BRWD1: variants seen among roughly 807,000 people sequenced by gnomAD.
The protein encoded by BRWD1 is bromodomain and WD repeat domain containing 1, also known as bromodomain and WD repeat-containing protein 1.
BRWD1 carries 82 observed loss-of-function variants against 251.2 expected under a neutral mutation model. That is an observed-to-expected ratio of 0.33 (90% CI 0.27 to 0.39). The LOEUF (loss-of-function observed/expected upper bound fraction) is 0.39. BRWD1 is among the 10% of genes least tolerant of loss of function. BRWD1 has a pLI of 1.00. For synonymous variants in BRWD1, 918 were observed against 902.8 expected, an observed-to-expected ratio of 1.02 and a Z score of -0.30; for missense variants, 2,233 against 2,711.6, an observed-to-expected ratio of 0.82 and a Z score of 3.92.
intron 23 of BRWD1, among the ~76,000 whole-genome samples, chr21:39,235,178 G>C (rs2033765980): frequency 6.6e-6 from 1 of 152,186 alleles, no homozygotes; most frequent in Non-Finnish European, 1.5e-5. Flanking sequence ...GAACCCAGGA[G>C]GCAGAGGCTG....
intron 32 of BRWD1, among the ~76,000 whole-genome samples, chr21:39,213,923 T>C (rs2032772886): frequency 6.7e-6 from 1 of 149,504 alleles, no homozygotes; most frequent in Admixed American, 6.7e-5. Context: ...AATATATATA[T>C]ATACATATAT....
At chr21:39,225,311 A>C in intron 27 of BRWD1, 114 bp from the exon 28 acceptor site, 1 of 723,408 alleles carries the variant, frequency 1.4e-6, no homozygotes, top group Non-Finnish European at 2.3e-6. Flanking sequence ...ACAATACAAA[A>C]ACAGGCAAGC....
intron 19 of BRWD1, among the ~76,000 whole-genome samples, chr21:39,253,667 G>C (rs1476077019): frequency 2.0e-5 from 3 of 151,886 alleles, no homozygotes; most frequent in Admixed American, 6.6e-5. Context: ...CAAATTCACA[G>C]AACAATATAT....
At chr21:39,219,163 G>C (rs569356811) in intron 29 of BRWD1, among the ~76,000 whole-genome samples, 1 of 152,212 alleles carries the variant, frequency 6.6e-6, no homozygotes, top group Non-Finnish European at 1.5e-5. Context: ...GCTGACGCCT[G>C]TAATCCTAGC....
At chr21:39,238,285 C>CAAAAAAAA (rs58179212) in intron 22 of BRWD1, among the ~76,000 whole-genome samples, 194 bp downstream of exon 22, 1 of 122,366 alleles carries the variant, frequency 8.2e-6, no homozygotes, top group Non-Finnish European at 1.7e-5. Context: ...TGCTTAAAGT[C>CAAAAAAAA]AAAAAAAAAA....
intron 7 of BRWD1, among the ~76,000 whole-genome samples, chr21:39,295,173 A>G (rs1199417436): frequency 1.1e-5 from 1 of 88,218 alleles, no homozygotes; most frequent in African/African-American, 4.7e-5. Flanking sequence ...AGGTATGTCT[A>G]TGTTTTTTTT....
intron 13 of BRWD1, 48 bp from the exon 14 acceptor site, chr21:39,270,481 T>G (rs772859915): frequency 7.1e-7 from 1 of 1,417,710 alleles, no homozygotes; most frequent in Non-Finnish European, 9.6e-7. Context: ...TGGCTGGCTA[T>G]ACAATGTATA....
Position 39,193,720 on chromosome 21 carries a change from A to C in BRWD1, c.*2539T>G. ...ATAACCCTTTATCTTTTTCTCAAGA[A>C]TACTACAAACTGACCCTAAACATTA... On this transcript the variant is annotated 3_prime_UTR_variant, in exon 41 of 41. Coordinates refer to ENST00000342449, the MANE Select transcript of BRWD1 (RefSeq NM_033656.4). The C allele has an allele frequency of 2.0e-6, 2 of 985,566 alleles. No homozygotes were observed. Among genetic ancestry groups the C allele is most frequent in the African/African-American group, 1.7e-5 (1 of 57,346 alleles). The allele number at this position is 985,566 out of a possible 1,614,324, so 61.1% of individuals were successfully genotyped here.
intron 12 of BRWD1, 97 bp downstream of exon 12, chr21:39,276,076 A>G (rs1046017825): frequency 8.3e-6 from 9 of 1,083,136 alleles, no homozygotes; most frequent in Middle Eastern, 5.4e-4. Context: ...ATATAAAGGG[A>G]AAAAATACAT....
intron 12 of BRWD1, among the ~76,000 whole-genome samples, chr21:39,275,842 G>C (rs1019367308): frequency 6.6e-6 from 1 of 152,108 alleles, no homozygotes; most frequent in African/African-American, 2.4e-5. Flanking sequence ...AGACCAGACT[G>C]ACCAACATGG....
intron 4 of BRWD1, among the ~76,000 whole-genome samples, chr21:39,309,444 T>A (rs1295659397): frequency 2.0e-5 from 3 of 151,218 alleles, no homozygotes; most frequent in African/African-American, 7.3e-5. Flanking sequence ...GGTAATAGAG[T>A]GAGACCCAGG....
chr21:39,297,716 A>T (rs148362398), intron 5 of BRWD1: 462 of 325,790 alleles, frequency 1.4e-3, no homozygotes, highest in African/African-American at 0.01. Context: ...TGGTGCAGCT[A>T]AGAGTAGCAT....
intron 12 of BRWD1, among the ~76,000 whole-genome samples, chr21:39,275,664 C>T (rs1055198358): frequency 2.6e-5 from 4 of 151,992 alleles, no homozygotes; most frequent in Non-Finnish European, 4.4e-5. Context: ...TTTAATCATC[C>T]CACAATGTAA....
chr21:39,304,956 GA>G (rs1460829592), intron 4 of BRWD1, among the ~76,000 whole-genome samples: 4 of 96,634 alleles, frequency 4.1e-5, no homozygotes, highest in African/African-American at 1.2e-4. Flanking sequence ...CATATTTGGA[GA>G]TTTTTTTTTT....
Position 39,196,749 on chromosome 21 carries a change from G to T in BRWD1, c.6320C>A (p.Ala2107Asp), listed in dbSNP as rs2031839213. ...NGRRLRTYGKAPFSKTKVIHD... is the reference protein window; with the variant it reads ...NGRRLRTYGKDPFSKTKVIHD... Reference sequence around the variant, plus strand: ...AATCACTTTTGTCTTACTAAAAGGAGCCTTTCCATAGGTCCTGAGTCTTCT... The same window carrying T: ...AATCACTTTTGTCTTACTAAAAGGATCCTTTCCATAGGTCCTGAGTCTTCT... Residue 2107 changes from alanine to aspartate, a missense_variant, in exon 41 of 41, where the codon GCT becomes GAT. Physicochemically the swap from Ala to Asp is moderately radical, Grantham distance 126 (BLOSUM62 -2). Around this residue, in one of 12 missense-constraint regions of BRWD1, gnomAD observed 928 missense variants for 970.0 expected, o/e 0.96. Coordinates refer to ENST00000342449, the MANE Select transcript of BRWD1 (RefSeq NM_033656.4). 1.2e-6 allele frequency: 2 copies of T among 1,613,366 alleles called. No individual in the cohort carries two copies. The highest frequency in any genetic ancestry group is 2.7e-5 in the African/African-American group (2 of 74,908).
chr21:39,293,590 A>C (rs2035875607), intron 8 of BRWD1, among the ~76,000 whole-genome samples: 1 of 152,184 alleles, frequency 6.6e-6, no homozygotes, highest in Non-Finnish European at 1.5e-5. Context: ...ATCCAGTTCA[A>C]CCATAAACCC....
intron 35 of BRWD1, 57 bp from the exon 36 acceptor site, chr21:39,210,204 A>T: frequency 7.1e-7 from 1 of 1,410,250 alleles, no homozygotes; most frequent in South Asian, 1.3e-5. Flanking sequence ...TTAGAAATGT[A>T]AATGCATCAG....
At chr21:39,278,952 C>G in intron 9 of BRWD1, 139 bp from the exon 10 acceptor site, 4 of 626,990 alleles carry the variant, frequency 6.4e-6, no homozygotes, top group Non-Finnish European at 9.8e-6. Flanking sequence ...CCACACTAGA[C>G]ACAAACTCTT....
intron 15 of BRWD1, among the ~76,000 whole-genome samples, 157 bp from the exon 16 acceptor site, chr21:39,265,176 C>A (rs767981890): frequency 3.1e-4 from 47 of 151,032 alleles, no homozygotes; most frequent in Non-Finnish European, 5.0e-4. Flanking sequence ...GTAATCCTAG[C>A]ACTTTATGAG....
Sources: allele counts gnomAD v4.1 joint callset (sites outside exome capture counted in the v4.1 genomes callset), GRCh38; gene constraint gnomAD v4.1.1; regional missense constraint gnomAD v4.1.1; transcripts MANE v1.5; gene names NCBI Gene and HGNC (gene_info 2026-07-23, HGNC 2026-07-21).